The following TIAM1 variants were observed in gnomAD, a reference collection of about 807,000 sequenced individuals.
The protein encoded by TIAM1 is rho guanine nucleotide exchange factor TIAM1.
Under a neutral mutation model 163.5 loss-of-function variants are expected in TIAM1, and 65 were observed. That is an observed-to-expected ratio of 0.40 (90% CI 0.33 to 0.49). The LOEUF is 0.49. TIAM1 is among the 20% of genes least tolerant of loss of function. TIAM1 has a pLI of 0.77. For missense variants in TIAM1, 1,789 were observed against 2,044.7 expected (o/e 0.87, Z 2.41); for synonymous variants, 833 against 810.1 (o/e 1.03, Z -0.48).
At chr21:31,491,476 GAGA>G (rs2046467415) in intron 1 of TIAM1, among the ~76,000 whole-genome samples, 2 of 152,210 alleles carry the variant, frequency 1.3e-5, no homozygotes, top group Admixed American at 6.5e-5. Context: ...GCAAGGCACA[GAGA>G]AGAACGGAGA....
At chr21:31,206,936 TACACAC>T (rs142792769) in intron 11 of TIAM1, among the ~76,000 whole-genome samples, 1 of 151,250 alleles carries the variant, frequency 6.6e-6, no homozygotes, top group African/African-American at 2.4e-5. Flanking sequence ...GAAATATGTA[TACACAC>T]ACACACACAC....
Position 31,455,347 on chromosome 21 carries a change from T to C in TIAM1, c.-369+8636A>G, listed in dbSNP as rs577469372. Among the ~76,000 whole-genome samples, 5 of 149,288 alleles carry C rather than the reference T, an allele frequency of 3.3e-5. No individual in the cohort carries two copies. In the East Asian group the frequency reaches 9.9e-4, roughly 29 times the overall value. ...AAGTAAGGAAGTACTTAAAGAATGA[T>C]AGCACAGAGAAACAAGCTCCTCTCA... is the stretch of plus-strand genomic sequence containing the variant. On this transcript the variant is annotated intron_variant, in intron 2 of 28. Transcript: ENST00000286827.
Position 31,290,145 on chromosome 21 carries a change from A to T in TIAM1, c.-188-13237T>A, listed in dbSNP as rs540222681. 1.8e-4 allele frequency among the ~76,000 whole-genome samples: 27 copies of T among 152,366 alleles called. 1 individual carries two copies. Among genetic ancestry groups the T allele is most frequent in the South Asian group, 8.3e-4 (4 of 4,830 alleles). On this transcript the variant is annotated intron_variant, in intron 2 of 27. Coordinates refer to ENST00000541036, the MANE Select transcript of TIAM1 (RefSeq NM_001353694.2). Reference sequence around the variant, plus strand: ...TTTTCTGTATGTATTTATATAGCACATAATTTATTTGAACCAACAGAAATC... The same window carrying T: ...TTTTCTGTATGTATTTATATAGCACTTAATTTATTTGAACCAACAGAAATC...
chr21:31,295,844 C>A (rs952581849), intron 2 of TIAM1, among the ~76,000 whole-genome samples: 26 of 152,180 alleles, frequency 1.7e-4, no homozygotes, highest in African/African-American at 2.4e-5. Context: ...ACGGATTGGG[C>A]TGGAGTGCAG....
At chr21:31,135,206 T>C (rs2082571729) in intron 23 of TIAM1, among the ~76,000 whole-genome samples, 1 of 152,206 alleles carries the variant, frequency 6.6e-6, no homozygotes, top group Non-Finnish European at 1.5e-5. Flanking sequence ...AACACAGCAA[T>C]ATGCCAATAA....
At chr21:31,389,733 T>G (rs1395940193) in intron 2 of TIAM1, among the ~76,000 whole-genome samples, 2 of 152,218 alleles carry the variant, frequency 1.3e-5, no homozygotes, top group East Asian at 3.8e-4. Context: ...GAGAGAAAGA[T>G]TTTAACCAAT....
At chr21:31,421,308 A>G (rs2043562250) in intron 2 of TIAM1, among the ~76,000 whole-genome samples, 1 of 152,156 alleles carries the variant, frequency 6.6e-6, no homozygotes, top group South Asian at 2.1e-4. Flanking sequence ...AAAGATTGCT[A>G]GGAGCCACCA....
intron 2 of TIAM1, among the ~76,000 whole-genome samples, chr21:31,283,863 C>T (rs538224929): frequency 2.6e-5 from 4 of 152,096 alleles, no homozygotes; most frequent in Non-Finnish European, 5.9e-5. Context: ...TTCTTAAAGC[C>T]GCAAAGCTAC....
intron 2 of TIAM1, among the ~76,000 whole-genome samples, chr21:31,302,403 G>A (rs968247261): frequency 6.6e-6 from 1 of 152,026 alleles, no homozygotes; most frequent in African/African-American, 2.4e-5. Flanking sequence ...AGATTCCAAC[G>A]CAAGAGCAAC....
intron 6 of TIAM1, among the ~76,000 whole-genome samples, chr21:31,233,834 G>C (rs781623377): frequency 2.4e-4 from 37 of 152,212 alleles, no homozygotes; most frequent in Non-Finnish European, 4.3e-4. Context: ...ACTCCAGGAA[G>C]ACAGACACAA....
Position 31,211,942 on chromosome 21 carries a change from G to A in TIAM1, c.2217+1456C>T, listed in dbSNP as rs560567673. On this transcript the variant is annotated intron_variant, in intron 10 of 27. Coordinates refer to ENST00000541036, the MANE Select transcript of TIAM1 (RefSeq NM_001353694.2). ...ACTTTCGCAGTTTCCAAGTTCTGTG[G>A]TCTAGAGAAGATATCTCAGTATTAA... is the stretch of plus-strand genomic sequence containing the variant. Among the ~76,000 whole-genome samples, 7 of 152,300 alleles carry A rather than the reference G, an allele frequency of 4.6e-5. No individual in the cohort carries two copies. The East Asian group carries it at 1.4e-3, about 29-fold the overall frequency.
chr21:31,202,917 G>C lies in TIAM1; in HGVS notation c.2484C>G (p.Ile828Met). Residue 828 changes from isoleucine (I) to methionine (M), a missense_variant, in exon 12 of 28, where the codon ATC becomes ATG. Ile to Met is a conservative substitution (Grantham distance 10). Around this residue, in one of 5 missense-constraint regions of TIAM1, gnomAD observed 456 missense variants for 586.6 expected, o/e 0.78. Coordinates refer to ENST00000541036, the MANE Select transcript of TIAM1 (RefSeq NM_001353694.2). ...QLYVPQPEED[I>M]YELLYKEIEI... ...ACAGTCATAACATTACCAGCTCATAGATGTCTTCCTCGGGCTGTGGAACAT... is the reference window on the plus strand; with the variant it reads ...ACAGTCATAACATTACCAGCTCATACATGTCTTCCTCGGGCTGTGGAACAT... 6.2e-7 allele frequency: 1 copy of C among 1,613,882 alleles called. No homozygotes were observed. The highest frequency in any genetic ancestry group is 8.5e-7 in the Non-Finnish European group (1 of 1,179,802).
intron 9 of TIAM1, among the ~76,000 whole-genome samples, chr21:31,214,513 T>G (rs114996789): frequency 1.3e-5 from 2 of 152,114 alleles, no homozygotes; most frequent in Non-Finnish European, 2.9e-5. Context: ...TTAAGTAGAA[T>G]GTGAGAATAT....
At chr21:31,271,701 G>A (rs537690589) in intron 3 of TIAM1, among the ~76,000 whole-genome samples, 220 of 103,462 alleles carry the variant, frequency 2.1e-3, no homozygotes, top group African/African-American at 9.2e-3. Context: ...AGTTGAGAGG[G>A]CAAGTGTAGA....
At chr21:31,250,168 A>AAAAAAAAAAG (rs2071720515) in intron 5 of TIAM1, among the ~76,000 whole-genome samples, 1 of 147,786 alleles carries the variant, frequency 6.8e-6, no homozygotes, top group East Asian at 1.9e-4. Context: ...AAAAAAAAAA[A>AAAAAAAAAAG]AAAGAAAAAG....
At chr21:31,153,814 A>G (rs1458223355) in intron 17 of TIAM1, among the ~76,000 whole-genome samples, 1 of 152,094 alleles carries the variant, frequency 6.6e-6, no homozygotes, top group Non-Finnish European at 1.5e-5. Context: ...TAGTCCCAGT[A>G]CTTTGGGAGG....
chr21:31,508,632 T>C (rs2047112096), intron 1 of TIAM1, among the ~76,000 whole-genome samples: 1 of 152,082 alleles, frequency 6.6e-6, no homozygotes, highest in South Asian at 2.1e-4. Flanking sequence ...TCAGGTGATC[T>C]GCCCGCCTCT....
chr21:31,557,475 T>C (rs1038694759), intron 1 of TIAM1, among the ~76,000 whole-genome samples: 8 of 152,186 alleles, frequency 5.3e-5, no homozygotes, highest in African/African-American at 1.9e-4. Flanking sequence ...ACTTTACAGA[T>C]GCGCAAACTG....
intron 2 of TIAM1, among the ~76,000 whole-genome samples, chr21:31,336,488 C>CTTTTTTTTTTTTTTT (rs34052300): frequency 1.6e-5 from 2 of 125,472 alleles, no homozygotes; most frequent in Non-Finnish European, 3.4e-5. Flanking sequence ...TTGCCCCTTG[C>CTTTTTTTTTTTTTTT]TTTTTTTTTT....
Sources: gnomAD v4.1 joint callset for allele counts (sites outside exome capture counted in the v4.1 genomes callset) on GRCh38, gnomAD v4.1.1 for gene constraint, gnomAD v4.1.1 regional missense constraint, MANE v1.5 for transcripts, NCBI Gene and HGNC (gene_info 2026-07-23, HGNC 2026-07-21) for gene names.